The following PRRX1 variants were observed in gnomAD, a reference collection of about 807,000 sequenced individuals.
PRRX1 encodes paired related homeobox 1, also known as paired mesoderm homeobox protein 1.
A neutral mutation model predicts 24.0 loss-of-function variants in PRRX1; 8 were observed. That is an observed-to-expected ratio of 0.33 (90% CI 0.20 to 0.60). PRRX1 has a LOEUF of 0.60. PRRX1 is among the 20% of genes least tolerant of loss of function. The pLI is 0.82. For missense variants in PRRX1, 281 were observed against 322.4 expected, an observed-to-expected ratio of 0.87 and a Z score of 0.98; for synonymous variants, 160 against 131.7, an observed-to-expected ratio of 1.22 and a Z score of -1.47.
chr1:170,728,201 T>G (rs924876913), intron 3 of PRRX1: 5 of 152,222 alleles, frequency 3.3e-5, no homozygotes, highest in African/African-American at 1.2e-4. Context: ...TGAATGGGGA[T>G]GAAATCATTC....
intron 1 of PRRX1, among the ~76,000 whole-genome samples, chr1:170,713,552 T>C (rs1347009632): frequency 6.6e-6 from 1 of 152,186 alleles, no homozygotes; most frequent in African/African-American, 2.4e-5. Context: ...CTCACATTCT[T>C]GAGTGTTTTC....
At chr1:170,735,932 C>A in intron 3 of PRRX1, 116 bp from the exon 4 acceptor site, 1 of 1,414,992 alleles carries the variant, frequency 7.1e-7, no homozygotes, top group Non-Finnish European at 1.0e-6. Flanking sequence ...TCATCTAGTC[C>A]AAGCCATTGC....
chr1:170,663,979 G>A (rs1432860290), upstream of PRRX1: 4 of 516,162 alleles, frequency 7.7e-6, no homozygotes, highest in African/African-American at 7.6e-5. Flanking sequence ...ATCAACCAAT[G>A]CTGCGGAAGG....
chr1:170,692,523 T>C (rs1329149174), intron 1 of PRRX1, among the ~76,000 whole-genome samples: 1 of 148,336 alleles, frequency 6.7e-6, no homozygotes, highest in Non-Finnish European at 1.5e-5. Context: ...TTAAAGCTGT[T>C]TTTTTTTTTT....
intron 1 of PRRX1, among the ~76,000 whole-genome samples, chr1:170,684,692 G>C (rs1191008196): frequency 2.0e-5 from 3 of 152,196 alleles, no homozygotes; most frequent in Non-Finnish European, 4.4e-5. Flanking sequence ...GGCGGAGGTT[G>C]CAGTGAGCCA....
At chr1:170,726,481 G>T (rs945995988) in intron 3 of PRRX1, 80 bp downstream of exon 3, 6 of 1,497,520 alleles carry the variant, frequency 4.0e-6, no homozygotes, top group Non-Finnish European at 5.5e-6. Context: ...TGCTTGTGCA[G>T]CTCACCGACA....
At chr1:170,666,579 C>T (rs1229028694) in intron 1 of PRRX1, among the ~76,000 whole-genome samples, 1 of 151,572 alleles carries the variant, frequency 6.6e-6, no homozygotes, top group Non-Finnish European at 1.5e-5. Flanking sequence ...CAACAGAAAA[C>T]AGGACCACGA....
chr1:170,673,394 A>C (rs1653206439), intron 1 of PRRX1, among the ~76,000 whole-genome samples: 1 of 152,196 alleles, frequency 6.6e-6, no homozygotes, highest in Non-Finnish European at 1.5e-5. Context: ...TGTTCAGTTA[A>C]TGCTTACCAA....
intron 1 of PRRX1, among the ~76,000 whole-genome samples, chr1:170,701,804 A>G (rs980770048): frequency 6.6e-5 from 10 of 152,366 alleles, no homozygotes; most frequent in African/African-American, 2.4e-4. Flanking sequence ...TCATGATCAA[A>G]TCAGAGTAAT....
chr1:170,733,461 A>T (rs1655502862), intron 3 of PRRX1, among the ~76,000 whole-genome samples: 1 of 152,140 alleles, frequency 6.6e-6, no homozygotes, highest in Admixed American at 6.6e-5. Flanking sequence ...CAAGTACTTA[A>T]AAGCACAATA....
chr1:170,736,223 A>G lies in PRRX1; in HGVS notation c.*37A>G. 6.2e-7 allele frequency: 1 copy of G among 1,612,100 alleles called. No individual in the cohort carries two copies. The highest frequency in any genetic ancestry group is 8.5e-7 in the Non-Finnish European group (1 of 1,178,288). ...AATTAAACAGGCCTAAGAAGAAATC[A>G]AAAACCATAAGACACCTATCCTGCT... On this transcript the variant is annotated 3_prime_UTR_variant, in exon 4 of 4. Transcript: ENST00000239461.
intron 1 of PRRX1, among the ~76,000 whole-genome samples, chr1:170,705,002 A>G (rs1295671212): frequency 6.6e-6 from 1 of 152,190 alleles, no homozygotes; most frequent in Non-Finnish European, 1.5e-5. Context: ...TGTACACTGC[A>G]AAGAGTTCCA....
chr1:170,701,925 T>C (rs752132672), intron 1 of PRRX1, among the ~76,000 whole-genome samples: 3 of 151,658 alleles, frequency 2.0e-5, no homozygotes, highest in South Asian at 4.2e-4. Context: ...AGTCACCCGA[T>C]AGCACTATAG....
intron 1 of PRRX1, among the ~76,000 whole-genome samples, chr1:170,697,729 T>C (rs1014779496): frequency 1.5e-4 from 22 of 145,308 alleles, no homozygotes; most frequent in African/African-American, 5.4e-4. Context: ...TATATAAATA[T>C]ATACATATAT....
At chr1:170,679,502 C>A (rs1013718783) in intron 1 of PRRX1, among the ~76,000 whole-genome samples, 1 of 152,150 alleles carries the variant, frequency 6.6e-6, no homozygotes, top group African/African-American at 2.4e-5. Context: ...CAGGTTCATG[C>A]CATTCTCCTG....
chr1:170,678,395 G>C (rs1000104684), intron 1 of PRRX1, among the ~76,000 whole-genome samples: 1 of 152,222 alleles, frequency 6.6e-6, no homozygotes, highest in Admixed American at 6.5e-5. Context: ...GTCACCATGG[G>C]TGAGGCACTT....
chr1:170,736,756 A>AT lies in PRRX1; in HGVS notation c.*570_*571insT. The AT allele has an allele frequency of 5.6e-6, 1 of 177,806 alleles. No homozygotes were observed. Among genetic ancestry groups the AT allele is most frequent in the Non-Finnish European group, 1.2e-5 (1 of 85,758 alleles). 11.0% of individuals were successfully genotyped at this position (177,806 alleles called of 1,614,324 possible). A position where few individuals can be genotyped will look rare whatever the true frequency, so the allele number is the denominator to read the frequency against. ...GTCTCCATCTTTGTTGGTCATGGTA[A>AT]GGTTTTTCCATCAGCCTCTGAAAAA... On this transcript the variant is annotated 3_prime_UTR_variant, in exon 4 of 4. Coordinates refer to ENST00000239461, the MANE Select transcript of PRRX1 (RefSeq NM_022716.4).
At position 170,736,720 on chromosome 1, in the gene PRRX1, C is replaced by A; in HGVS notation, c.*534C>A. ...AATCTGTGCTGGACAGACATAATTCCCTTTCTCATTGTCTCCATCTTTGTT... is the reference window on the plus strand; with the variant it reads ...AATCTGTGCTGGACAGACATAATTCACTTTCTCATTGTCTCCATCTTTGTT... On this transcript the variant is annotated 3_prime_UTR_variant, in exon 4 of 4. Transcript: ENST00000239461. 1 of 193,194 alleles carries A rather than the reference C, an allele frequency of 5.2e-6. No individual in the cohort carries two copies. Among genetic ancestry groups the A allele is most frequent in the Non-Finnish European group, 1.1e-5 (1 of 92,290 alleles). 12.0% of individuals were successfully genotyped at this position (193,194 alleles called of 1,614,324 possible). A position where few individuals can be genotyped will look rare whatever the true frequency, so the allele number is the denominator to read the frequency against.
In PRRX1 at chr1:170,690,077, G is replaced by A. The variant is rs543026472; in HGVS notation, c.241+25618G>A. ...GCTGCCAGGTCTCTAGCTCTTGCTAGCATTTGGTTAGCATTTCACTGTATA... is the reference window on the plus strand; with the variant it reads ...GCTGCCAGGTCTCTAGCTCTTGCTAACATTTGGTTAGCATTTCACTGTATA... On this transcript the variant is annotated intron_variant, in intron 1 of 3. Coordinates refer to ENST00000239461, the MANE Select transcript of PRRX1 (RefSeq NM_022716.4). 1.1e-4 allele frequency among the ~76,000 whole-genome samples: 16 copies of A among 151,884 alleles called. No homozygotes were observed. In the South Asian group the frequency reaches 3.1e-3, roughly 30 times the overall value.
Sources: allele counts gnomAD v4.1 joint callset (sites outside exome capture counted in the v4.1 genomes callset), GRCh38; gene constraint gnomAD v4.1.1; transcripts MANE v1.5; gene names NCBI Gene and HGNC (gene_info 2026-07-23, HGNC 2026-07-21).